The following GNG4 variants were observed in gnomAD, a reference collection of about 807,000 sequenced individuals.
GNG4 encodes G protein subunit gamma 4, also known as guanine nucleotide-binding protein G(I)/G(S)/G(O) subunit gamma-4.
Under a neutral mutation model 5.8 loss-of-function variants are expected in GNG4, and 4 were observed. The observed-to-expected ratio is 0.69, with a 90% CI of 0.34 to 1.57. The LOEUF (loss-of-function observed/expected upper bound fraction) is 1.57. Among genes scored for constraint, GNG4 ranks in the 40% most tolerant of loss-of-function variants. The pLI, the probability that GNG4 is intolerant of heterozygous loss-of-function variation, is 0.06. For synonymous variants in GNG4, 29 were observed against 32.9 expected (o/e 0.88, Z 0.41); for missense variants, 96 against 95.1 (o/e 1.01, Z -0.04).
At chr1:235,625,774 T>C (rs867303109) in intron 1 of GNG4, among the ~76,000 whole-genome samples, 3 of 152,222 alleles carry the variant, frequency 2.0e-5, no homozygotes, top group Non-Finnish European at 4.4e-5. Flanking sequence ...GCTCATTTCT[T>C]TTTTAGTACT....
chr1:235,633,524 G>T (rs910886292), intron 1 of GNG4, among the ~76,000 whole-genome samples: 1 of 152,162 alleles, frequency 6.6e-6, no homozygotes. Flanking sequence ...GTCTCATTCT[G>T]TTGCCCACGC....
intron 3 of GNG4, among the ~76,000 whole-genome samples, chr1:235,572,146 G>A (rs768759685): frequency 3.3e-5 from 5 of 151,638 alleles, no homozygotes; most frequent in Non-Finnish European, 7.4e-5. Context: ...GTAGGCAACT[G>A]TCACACAATG....
At chr1:235,553,934 G>A (rs1572605679) in intron 3 of GNG4, among the ~76,000 whole-genome samples, 1 of 152,156 alleles carries the variant, frequency 6.6e-6, no homozygotes, top group African/African-American at 2.4e-5. Flanking sequence ...TAATAGCATG[G>A]TCAGTATTTA....
intron 1 of GNG4, among the ~76,000 whole-genome samples, chr1:235,638,384 C>T (rs577684217): frequency 2.0e-5 from 3 of 152,190 alleles, no homozygotes; most frequent in Admixed American, 2.0e-4. Flanking sequence ...ATCAAGGTGC[C>T]AGGAGGGCTG....
chr1:235,587,627 G>GTGGTGT, intron 2 of GNG4, among the ~76,000 whole-genome samples: 1 of 14,748 alleles, frequency 6.8e-5, no homozygotes, highest in African/African-American at 1.8e-3. Flanking sequence ...GTGTGAATGT[G>GTGGTGT]GGGTGGAGTG....
In GNG4 at chr1:235,552,027, A is replaced by G; in HGVS notation, c.*82T>C. 1 of 1,286,374 alleles carries G rather than the reference A, an allele frequency of 7.8e-7. No homozygotes were observed. The highest frequency in any genetic ancestry group is 1.8e-5 in the Admixed American group (1 of 56,908). The allele number at this position is 1,286,374 out of a possible 1,614,324, so 79.7% of individuals were successfully genotyped here. A position where few individuals can be genotyped will look rare whatever the true frequency, so the allele number is the denominator to read the frequency against. On this transcript the variant is annotated 3_prime_UTR_variant, in exon 4 of 4. Transcript: ENST00000391854. ...CTGGGCAGGGATGGGTGTTGGTCTCACTCCCTAAGGCTTAGAGCATGCATG... is the reference window on the plus strand; with the variant it reads ...CTGGGCAGGGATGGGTGTTGGTCTCGCTCCCTAAGGCTTAGAGCATGCATG...
chr1:235,573,331 G>A (rs1381564677), intron 3 of GNG4, among the ~76,000 whole-genome samples: 1 of 138,544 alleles, frequency 7.2e-6, no homozygotes, highest in South Asian at 2.6e-4. Flanking sequence ...TCAAGGGGTG[G>A]GGGGAGGGGG....
At chr1:235,563,920 T>C (rs1187238488) in intron 3 of GNG4, among the ~76,000 whole-genome samples, 1 of 152,192 alleles carries the variant, frequency 6.6e-6, no homozygotes, top group Non-Finnish European at 1.5e-5. Flanking sequence ...TTGAGTGCTG[T>C]TCCCAGAAGA....
chr1:235,645,354 C>T (rs1394053520), intron 1 of GNG4, among the ~76,000 whole-genome samples: 2 of 152,190 alleles, frequency 1.3e-5, no homozygotes, highest in Non-Finnish European at 2.9e-5. Flanking sequence ...CCTCTTTGGG[C>T]CTTCATACAT....
At chr1:235,579,362 T>C (rs764016441) in intron 3 of GNG4, among the ~76,000 whole-genome samples, 1 of 151,666 alleles carries the variant, frequency 6.6e-6, no homozygotes, top group Non-Finnish European at 1.5e-5. Context: ...ACTGTCGTCA[T>C]GATAGTGAGT....
rs146316106 is a variant in GNG4 at position 235,564,194 on chromosome 1, T to C, written c.100-11957A>G. Reference sequence around the variant, plus strand: ...GAAAACCAAATGCCACACGTTCTCATTTATAACTGGGAGCTAAATATTGAG... The same window carrying C: ...GAAAACCAAATGCCACACGTTCTCACTTATAACTGGGAGCTAAATATTGAG... On this transcript the variant is annotated intron_variant, in intron 3 of 3. Coordinates refer to ENST00000391854, the MANE Select transcript of GNG4 (RefSeq NM_001098722.2). Among the ~76,000 whole-genome samples the C allele has an allele frequency of 1.4e-3, 211 of 152,266 alleles. 2 individuals are homozygous for C. The highest frequency in any genetic ancestry group is 4.9e-3 in the African/African-American group (204 of 41,534).
At chr1:235,620,458 T>C (rs1387637502) in intron 1 of GNG4, among the ~76,000 whole-genome samples, 1 of 152,262 alleles carries the variant, frequency 6.6e-6, no homozygotes, top group African/African-American at 2.4e-5. Context: ...TATTATCTCC[T>C]GACTGTAAGT....
chr1:235,615,416 G>T, intron 1 of GNG4: 1 of 154,360 alleles, frequency 6.5e-6, no homozygotes, highest in South Asian at 1.9e-4. Flanking sequence ...GTGGGGATAC[G>T]ATCTCCTCTA....
intron 3 of GNG4, among the ~76,000 whole-genome samples, chr1:235,556,556 C>CAAAA (rs35257216): frequency 4.6e-5 from 4 of 87,412 alleles, no homozygotes; most frequent in Non-Finnish European, 6.7e-5. Context: ...GACTCTGTCT[C>CAAAA]AAAAAAAAAA....
At chr1:235,592,240 T>C (rs1687982752) in intron 2 of GNG4, among the ~76,000 whole-genome samples, 1 of 152,140 alleles carries the variant, frequency 6.6e-6, no homozygotes, top group Non-Finnish European at 1.5e-5. Context: ...GTACAGTGAC[T>C]CACACTTGTA....
At chr1:235,622,816 A>G (rs1392705746) in intron 1 of GNG4, among the ~76,000 whole-genome samples, 1 of 146,206 alleles carries the variant, frequency 6.8e-6, no homozygotes. Context: ...TGGAGGTTGC[A>G]GTGAGCCGAG....
intron 2 of GNG4, among the ~76,000 whole-genome samples, chr1:235,592,860 A>G (rs1380735018): frequency 6.6e-6 from 1 of 151,888 alleles, no homozygotes; most frequent in Non-Finnish European, 1.5e-5. Flanking sequence ...CAGCAATTAA[A>G]CACCCTCCTT....
At chr1:235,581,269 T>C (rs1317548889) in intron 3 of GNG4, among the ~76,000 whole-genome samples, 10 of 152,072 alleles carry the variant, frequency 6.6e-5, no homozygotes, top group Admixed American at 6.6e-4. Context: ...TCTGGTTGTT[T>C]AAAAGTGTGT....
chr1:235,624,402 G>A (rs904328518), intron 1 of GNG4, among the ~76,000 whole-genome samples: 1 of 151,916 alleles, frequency 6.6e-6, no homozygotes, highest in African/African-American at 2.4e-5. Context: ...GTGAGCCCCC[G>A]TGCCCGGCTG....
Sources: gnomAD v4.1 joint callset for allele counts (sites outside exome capture counted in the v4.1 genomes callset) on GRCh38, gnomAD v4.1.1 for gene constraint, MANE v1.5 for transcripts, NCBI Gene and HGNC (gene_info 2026-07-23, HGNC 2026-07-21) for gene names.